GLIPR2: variants seen among roughly 807,000 people sequenced by gnomAD.
GLIPR2 encodes the protein GLI pathogenesis related 2.
Under a neutral mutation model 20.4 loss-of-function variants are expected in GLIPR2, and 21 were observed. The observed-to-expected ratio is 1.03, with a 90% confidence interval of 0.73 to 1.48. The LOEUF is 1.48. Among genes scored for constraint, GLIPR2 ranks in the 40% most tolerant of loss-of-function variants. GLIPR2 has a pLI of 0.00. For missense variants in GLIPR2, 205 were observed against 200.1 expected, an observed-to-expected ratio of 1.02 and a Z score of -0.15; for synonymous variants, 91 against 80.5, an observed-to-expected ratio of 1.13 and a Z score of -0.70.
intron 4 of GLIPR2, among the ~76,000 whole-genome samples, chr9:36,158,592 C>A (rs549865817): frequency 6.6e-6 from 1 of 152,214 alleles, no homozygotes; most frequent in Non-Finnish European, 1.5e-5. Flanking sequence ...AGATGTGGCA[C>A]GTGCCCTCAC....
intron 4 of GLIPR2, among the ~76,000 whole-genome samples, chr9:36,158,760 A>G (rs1825938221): frequency 6.6e-6 from 1 of 152,002 alleles, no homozygotes; most frequent in Non-Finnish European, 1.5e-5. Context: ...ATCTGCCTCT[A>G]CTCCCCAAGA....
chr9:36,157,183 ATTTTT>A (rs550973713), intron 4 of GLIPR2, among the ~76,000 whole-genome samples: 1 of 130,684 alleles, frequency 7.7e-6, no homozygotes, highest in Non-Finnish European at 1.6e-5. Flanking sequence ...TGCCCAGCTA[ATTTTT>A]TTTTTTTTTT....
At chr9:36,139,255 G>A (rs1353003526) in intron 1 of GLIPR2, among the ~76,000 whole-genome samples, 1 of 152,042 alleles carries the variant, frequency 6.6e-6, no homozygotes, top group South Asian at 2.1e-4. Flanking sequence ...AGAGGAGGGG[G>A]CCAGTGGCAG....
Position 36,163,712 on chromosome 9 carries a change from C to A in GLIPR2, c.*1190C>A, listed in dbSNP as rs915674139. 1 of 152,694 alleles carries A rather than the reference C, an allele frequency of 6.5e-6. No individual in the cohort carries two copies. Among genetic ancestry groups the A allele is most frequent in the Non-Finnish European group, 1.5e-5 (1 of 68,080 alleles). The allele number at this position is 152,694 out of a possible 1,614,324, so 9.5% of individuals were successfully genotyped here. A position where few individuals can be genotyped will look rare whatever the true frequency, so the allele number is the denominator to read the frequency against. On this transcript the variant is annotated 3_prime_UTR_variant, in exon 5 of 5. Transcript: ENST00000377960. Reference sequence around the variant, plus strand: ...ATGCCCTGCTGAGTGTCCCTGAAACCATGGCAGCTCCATCTGTCAAGATGG... The same window carrying A: ...ATGCCCTGCTGAGTGTCCCTGAAACAATGGCAGCTCCATCTGTCAAGATGG...
chr9:36,141,652 C>A (rs1386609117), intron 1 of GLIPR2, among the ~76,000 whole-genome samples: 1 of 151,922 alleles, frequency 6.6e-6, no homozygotes, highest in Non-Finnish European at 1.5e-5. Context: ...TCCTCAGAAT[C>A]TTTTTTTTCT....
At chr9:36,157,160 GCACCCGC>G (rs1825868724) in intron 4 of GLIPR2, among the ~76,000 whole-genome samples, 1 of 149,606 alleles carries the variant, frequency 6.7e-6, no homozygotes. Flanking sequence ...GGGATTATAG[GCACCCGC>G]CATCATGCCC....
chr9:36,140,728 A>G (rs1247884108), intron 1 of GLIPR2, among the ~76,000 whole-genome samples: 1 of 151,980 alleles, frequency 6.6e-6, no homozygotes, highest in African/African-American at 2.4e-5. Context: ...AGTGTGGGAG[A>G]TTTGGAGCAG....
intron 1 of GLIPR2, among the ~76,000 whole-genome samples, chr9:36,139,523 TG>T (rs1264513130): frequency 6.6e-6 from 1 of 152,112 alleles, no homozygotes; most frequent in Non-Finnish European, 1.5e-5. Flanking sequence ...AGCTCAACCT[TG>T]AAGTTCCAGG....
chr9:36,148,178 G>A (rs1825419089), intron 2 of GLIPR2, among the ~76,000 whole-genome samples: 1 of 152,042 alleles, frequency 6.6e-6, no homozygotes, highest in Non-Finnish European at 1.5e-5. Context: ...AACCCGGGAG[G>A]TGGAGGTTGC....
chr9:36,138,832 G>T (rs78709825), intron 1 of GLIPR2, among the ~76,000 whole-genome samples: 2,813 of 152,298 alleles, frequency 0.018, 86 homozygotes, highest in African/African-American at 0.063. Flanking sequence ...AGACTGCTCC[G>T]CGTGGGAGCC....
At chr9:36,140,617 C>T (rs1825027767) in intron 1 of GLIPR2, among the ~76,000 whole-genome samples, 1 of 152,072 alleles carries the variant, frequency 6.6e-6, no homozygotes. Flanking sequence ...GAGGCTGATG[C>T]TTGGGGGAAG....
chr9:36,148,382 T>A (rs1825434140), intron 2 of GLIPR2, among the ~76,000 whole-genome samples, 165 bp from the exon 3 acceptor site: 1 of 152,194 alleles, frequency 6.6e-6, no homozygotes. Flanking sequence ...CTCGACTTGT[T>A]CCTCTGTGGA....
At chr9:36,152,792 C>T (rs1421755193) in intron 4 of GLIPR2, among the ~76,000 whole-genome samples, 3 of 143,118 alleles carry the variant, frequency 2.1e-5, no homozygotes, top group South Asian at 2.2e-4. Context: ...TCCACTGCCA[C>T]GTAAGCATCA....
chr9:36,138,039 C>T (rs1824906572), intron 1 of GLIPR2, among the ~76,000 whole-genome samples: 1 of 152,218 alleles, frequency 6.6e-6, no homozygotes, highest in African/African-American at 2.4e-5. Context: ...CGTATGAGCC[C>T]TGGGGTTCTT....
At chr9:36,142,419 C>T (rs143571040) in intron 1 of GLIPR2, among the ~76,000 whole-genome samples, 159 of 152,068 alleles carry the variant, frequency 1.0e-3, no homozygotes, top group African/African-American at 3.7e-3. Context: ...TTTCCTAATT[C>T]GAAAAGAAAA....
intron 4 of GLIPR2, among the ~76,000 whole-genome samples, chr9:36,156,974 T>C (rs1270003265): frequency 6.6e-6 from 1 of 152,152 alleles, no homozygotes; most frequent in Non-Finnish European, 1.5e-5. Context: ...TTTACCCTTA[T>C]TAGAGCACGT....
At chr9:36,138,727 G>A (rs765971103) in intron 1 of GLIPR2, among the ~76,000 whole-genome samples, 8 of 152,170 alleles carry the variant, frequency 5.3e-5, no homozygotes, top group Non-Finnish European at 7.3e-5. Context: ...CTATGTAGGG[G>A]ATAGACAGGC....
At chr9:36,158,593 G>A (rs143236275) in intron 4 of GLIPR2, among the ~76,000 whole-genome samples, 32 of 152,298 alleles carry the variant, frequency 2.1e-4, no homozygotes, top group African/African-American at 6.5e-4. Context: ...GATGTGGCAC[G>A]TGCCCTCACA....
At chr9:36,157,553 G>T (rs1213669078) in intron 4 of GLIPR2, among the ~76,000 whole-genome samples, 3 of 151,384 alleles carry the variant, frequency 2.0e-5, no homozygotes, top group Non-Finnish European at 4.4e-5. Context: ...CACCACATTG[G>T]CCCGGCTAGT....
Sources: gnomAD v4.1 joint callset for allele counts (sites outside exome capture counted in the v4.1 genomes callset) on GRCh38, gnomAD v4.1.1 for gene constraint, MANE v1.5 for transcripts, NCBI Gene and HGNC (gene_info 2026-07-23, HGNC 2026-07-21) for gene names.